Variants in OTUD7A observed in about 807,000 individuals in gnomAD.
The protein encoded by OTUD7A is OTU domain-containing protein 7A.
In OTUD7A, 12 loss-of-function variants were observed where a neutral mutation model predicts 65.7. The ratio of observed to expected loss-of-function variants is 0.18; its 90% CI spans 0.12 to 0.30. OTUD7A has a LOEUF of 0.30. OTUD7A is among the 10% of genes least tolerant of loss of function. The pLI is 1.00. For missense variants in OTUD7A, 1,148 were observed against 1,304.8 expected, an observed-to-expected ratio of 0.88 and a Z score of 1.85; for synonymous variants, 641 against 586.3, an observed-to-expected ratio of 1.09 and a Z score of -1.35.
chr15:31,658,336 C>T (rs1193705659), intron 1 of OTUD7A, among the ~76,000 whole-genome samples: 2 of 152,176 alleles, frequency 1.3e-5, no homozygotes, highest in African/African-American at 4.8e-5. Flanking sequence ...AAACTGCTTC[C>T]ACCAGCTTGC....
At chr15:31,568,299 A>T (rs1385225287) in intron 4 of OTUD7A, among the ~76,000 whole-genome samples, 3 of 152,208 alleles carry the variant, frequency 2.0e-5, no homozygotes, top group Admixed American at 2.0e-4. Context: ...GTCAAAGGAG[A>T]TTATTTTGGA....
chr15:31,767,515 T>C lies in OTUD7A; in HGVS notation c.-100+102992A>G, dbSNP rs1895122180. On this transcript the variant is annotated intron_variant, in intron 1 of 12. Coordinates refer to ENST00000307050, the MANE Select transcript of OTUD7A (RefSeq NM_001382637.1). ...AGGTCATCTGATTTGTTTTGTAGTA[T>C]AACTACTCCATGTTTACTTGTATTG... 5.2e-6 allele frequency: 4 copies of C among 771,808 alleles called. No homozygotes were observed. In the South Asian group the frequency reaches 5.4e-5, roughly 10 times the overall value. The allele number at this position is 771,808 out of a possible 1,614,324, so 47.8% of individuals were successfully genotyped here.
chr15:31,520,482 C>T (rs1394328986), intron 8 of OTUD7A, among the ~76,000 whole-genome samples: 1 of 152,126 alleles, frequency 6.6e-6, no homozygotes, highest in Non-Finnish European at 1.5e-5. Context: ...CACTTCTCAC[C>T]ATATATAAAA....
intron 8 of OTUD7A, among the ~76,000 whole-genome samples, chr15:31,518,042 G>C (rs764643504): frequency 1.3e-5 from 2 of 152,044 alleles, no homozygotes; most frequent in African/African-American, 2.4e-5. Flanking sequence ...TGTTTTGCTT[G>C]GGAAAGTCCT....
intron 4 of OTUD7A, among the ~76,000 whole-genome samples, chr15:31,561,496 C>A (rs1033604384): frequency 2.0e-5 from 3 of 152,130 alleles, no homozygotes; most frequent in African/African-American, 4.8e-5. Flanking sequence ...ACAGTGGGCA[C>A]CTGTTGTCCA....
intron 1 of OTUD7A, among the ~76,000 whole-genome samples, chr15:31,836,229 A>G (rs1430281715): frequency 1.3e-5 from 2 of 152,106 alleles, no homozygotes; most frequent in African/African-American, 4.8e-5. Context: ...GTTCGGTGGT[A>G]ACATTTTAAA....
intron 1 of OTUD7A, among the ~76,000 whole-genome samples, chr15:31,786,846 T>C (rs1345585297): frequency 6.6e-6 from 1 of 152,102 alleles, no homozygotes; most frequent in East Asian, 1.9e-4. Context: ...CGCAGTGATA[T>C]CACAGACAGA....
intron 1 of OTUD7A, among the ~76,000 whole-genome samples, chr15:31,745,287 G>T (rs1306931228): frequency 6.6e-6 from 1 of 152,056 alleles, no homozygotes. Flanking sequence ...AGAACTTAAA[G>T]AGTTACTATA....
intron 5 of OTUD7A, among the ~76,000 whole-genome samples, chr15:31,533,503 C>T (rs1887702952): frequency 6.6e-6 from 1 of 152,154 alleles, no homozygotes; most frequent in South Asian, 2.1e-4. Flanking sequence ...TCTCAAAGTG[C>T]TGGAATTACA....
chr15:31,693,060 C>CT (rs1318019340), intron 1 of OTUD7A, among the ~76,000 whole-genome samples: 2 of 152,112 alleles, frequency 1.3e-5, no homozygotes, highest in African/African-American at 4.8e-5. Context: ...CTCGGTCTGT[C>CT]TCTCAGGAAG....
chr15:31,519,040 T>C (rs2041902634), intron 8 of OTUD7A, among the ~76,000 whole-genome samples: 2 of 152,212 alleles, frequency 1.3e-5, no homozygotes, highest in African/African-American at 4.8e-5. Context: ...GAACAAGACT[T>C]ATTGCTTAGG....
At chr15:31,652,172 A>G (rs1595686364) in intron 3 of OTUD7A, among the ~76,000 whole-genome samples, 1 of 152,246 alleles carries the variant, frequency 6.6e-6, no homozygotes, top group Non-Finnish European at 1.5e-5. Context: ...CTGTCCAGAA[A>G]TATATTCCTT....
rs1051192714 is a variant in OTUD7A, at chr15:31,480,837, A to C, written c.*2457T>G. On this transcript the variant is annotated 3_prime_UTR_variant, in exon 13 of 13. Coordinates refer to ENST00000307050, the MANE Select transcript of OTUD7A (RefSeq NM_001382637.1). ...ATGTATCAGCCTGGAGCAGGTGTCTACAGGCGTCTGGCGCCTCGTTACCAC... is the reference window on the plus strand; with the variant it reads ...ATGTATCAGCCTGGAGCAGGTGTCTCCAGGCGTCTGGCGCCTCGTTACCAC... 2 of 152,394 alleles carry C rather than the reference A, an allele frequency of 1.3e-5. No homozygotes were observed. Among genetic ancestry groups the C allele is most frequent in the East Asian group, 1.9e-4 (1 of 5,184 alleles). 9.4% of individuals were successfully genotyped at this position (152,394 alleles called of 1,614,324 possible).
At chr15:31,804,527 G>C (rs894097120) in intron 1 of OTUD7A, among the ~76,000 whole-genome samples, 6 of 152,160 alleles carry the variant, frequency 3.9e-5, no homozygotes, top group Admixed American at 3.9e-4. Context: ...AGTGCTGTGA[G>C]GGGTCTGAGA....
chr15:31,681,964 T>C (rs1203299568), intron 1 of OTUD7A, among the ~76,000 whole-genome samples: 1 of 152,074 alleles, frequency 6.6e-6, no homozygotes, highest in African/African-American at 2.4e-5. Flanking sequence ...AGAGACAAGA[T>C]GGTGTCAGGC....
At chr15:31,677,446 T>C (rs985724362) in intron 1 of OTUD7A, among the ~76,000 whole-genome samples, 2 of 152,172 alleles carry the variant, frequency 1.3e-5, no homozygotes, top group Admixed American at 6.5e-5. Flanking sequence ...CAAAATGTCA[T>C]CCTGAATTGT....
At chr15:31,567,211 C>T (rs549756138) in intron 4 of OTUD7A, among the ~76,000 whole-genome samples, 1 of 152,234 alleles carries the variant, frequency 6.6e-6, no homozygotes, top group African/African-American at 2.4e-5. Flanking sequence ...CTGAGGAGGT[C>T]TTAGATGGAT....
intron 1 of OTUD7A, among the ~76,000 whole-genome samples, chr15:31,839,215 A>T (rs1460994896): frequency 1.3e-5 from 2 of 152,242 alleles, no homozygotes; most frequent in Non-Finnish European, 2.9e-5. Flanking sequence ...CCCAGGCTCC[A>T]GCAACTGGAT....
At chr15:31,688,680 G>A (rs975851289) in intron 1 of OTUD7A, among the ~76,000 whole-genome samples, 21 of 152,186 alleles carry the variant, frequency 1.4e-4, no homozygotes, top group African/African-American at 4.6e-4. Flanking sequence ...CTTAGGAGAT[G>A]ATGCCAGAGT....
Sources: gnomAD v4.1 joint callset for allele counts (sites outside exome capture counted in the v4.1 genomes callset) on GRCh38, gnomAD v4.1.1 for gene constraint, MANE v1.5 for transcripts, NCBI Gene and HGNC (gene_info 2026-07-23, HGNC 2026-07-21) for gene names.